Variants in AP2A1 observed in about 807,000 individuals in gnomAD.
AP2A1 encodes AP-2 complex subunit alpha-1.
A neutral mutation model predicts 107.3 loss-of-function variants in AP2A1; 21 were observed. The ratio of observed to expected loss-of-function variants is 0.20; its 90% CI spans 0.14 to 0.28. AP2A1 has a LOEUF of 0.28. Ranked by LOEUF, AP2A1 falls within the 10% of genes least tolerant of loss-of-function variation. The probability of loss-of-function intolerance (pLI) is 1.00; values close to 1 mark genes in which losing one functional copy is unlikely to be tolerated. For missense variants in AP2A1, 873 were observed against 1,307.7 expected (o/e 0.67, Z 5.13); for synonymous variants, 602 against 564.8 (o/e 1.07, Z -0.93).
At chr19:49,805,355 A>G in intron 18 of AP2A1, 98 bp from the exon 19 acceptor site, 1 of 1,355,250 alleles carries the variant, frequency 7.4e-7, no homozygotes, top group Non-Finnish European at 9.8e-7. Flanking sequence ...TCCCTCAAAG[A>G]CCTGCAGGCG....
chr19:49,799,537 CAGAA>C (rs1035156894), intron 9 of AP2A1, 42 bp downstream of exon 9: 33 of 1,604,372 alleles, frequency 2.1e-5, no homozygotes, highest in Non-Finnish European at 2.5e-5. Context: ...CCACCCCCCT[CAGAA>C]AGACCAGAGG....
intron 1 of AP2A1, among the ~76,000 whole-genome samples, chr19:49,770,025 C>T (rs912843364): frequency 5.9e-5 from 9 of 152,256 alleles, no homozygotes; most frequent in South Asian, 2.1e-4. Flanking sequence ...CCCGCCACCA[C>T]GCTTGGCTAA....
rs2073243612 is a variant in AP2A1 at position 49,798,944 on chromosome 19, C to T, written c.957C>T (p.His319=). The change falls in exon 8 of 23, where the codon CAC becomes CAT. Residue 319 remains histidine, a synonymous_variant. Transcript: ENST00000354293. Reference sequence around the variant, plus strand: ...TCGAGACCATCAGCCTCATCATCCACTATGACAGGTGCCCGCCTGGGCCTA... The same window carrying T: ...TCGAGACCATCAGCCTCATCATCCATTATGACAGGTGCCCGCCTGGGCCTA... ...ILFETISLII[H]YDSEPNLLVR... 1.3e-6 allele frequency: 2 copies of T among 1,552,494 alleles called. No homozygotes were observed. The highest frequency in any genetic ancestry group is 1.4e-5 in the African/African-American group (1 of 73,216).
chr19:49,793,528 C>T (rs2073172464), intron 6 of AP2A1, among the ~76,000 whole-genome samples: 2 of 152,310 alleles, frequency 1.3e-5, no homozygotes, highest in Admixed American at 1.3e-4. Context: ...CCTCTCCCAC[C>T]TTTGCTCCTG....
At chr19:49,789,608 T>C (rs2073117337) in intron 4 of AP2A1, among the ~76,000 whole-genome samples, 1 of 145,880 alleles carries the variant, frequency 6.9e-6, no homozygotes, top group Non-Finnish European at 1.5e-5. Context: ...TTTTTTTTTT[T>C]TGTAGAGACA....
At chr19:49,791,860 A>C in intron 4 of AP2A1, 75 bp from the exon 5 acceptor site, 5 of 1,501,206 alleles carry the variant, frequency 3.3e-6, no homozygotes, top group Non-Finnish European at 4.5e-6. Context: ...CCTGGGAGGA[A>C]CAGGAGAGGA....
At chr19:49,804,656 C>G (rs1011083649) in intron 18 of AP2A1, 1 of 152,216 alleles carries the variant, frequency 6.6e-6, no homozygotes, top group South Asian at 2.1e-4. Flanking sequence ...GCTACTGACA[C>G]GGATGCAGAT....
At chr19:49,770,847 C>G (rs144068958) in intron 1 of AP2A1, among the ~76,000 whole-genome samples, 3 of 152,050 alleles carry the variant, frequency 2.0e-5, no homozygotes, top group Non-Finnish European at 4.4e-5. Context: ...CTCATGAATG[C>G]ATAGGTTCTT....
At chr19:49,795,792 G>C in intron 7 of AP2A1, 54 bp downstream of exon 7, 1 of 1,328,702 alleles carries the variant, frequency 7.5e-7, no homozygotes. Flanking sequence ...TGGCATCTGG[G>C]GGCCTCCTGC....
intron 4 of AP2A1, among the ~76,000 whole-genome samples, chr19:49,784,279 T>A (rs2084711697): frequency 6.6e-6 from 1 of 151,904 alleles, no homozygotes. Flanking sequence ...ATACAAAAAT[T>A]AGCCAGGTGT....
rs371353624 is a variant in AP2A1, at chr19:49,799,347, G to A, written c.986G>A (p.Arg329Gln). 3 of 1,610,974 alleles carry A rather than the reference G, an allele frequency of 1.9e-6. No individual in the cohort carries two copies. Among genetic ancestry groups the A allele is most frequent in the African/African-American group, 1.3e-5 (1 of 74,866 alleles). ...HYDSEPNLLV[R>Q]ACNQLGQFLQ... ...GGCAGTGAGCCCAACCTCCTGGTTC[G>A]GGCCTGCAACCAGCTGGGCCAGTTC... Residue 329 changes from arginine (R) to glutamine (Q), a missense_variant, in exon 9 of 23, where the codon CGG (arginine) becomes CAG (glutamine). Physicochemically the swap from Arg to Gln is conservative, Grantham distance 43. Around this residue, in one of 4 missense-constraint regions of AP2A1, gnomAD observed 213 missense variants for 443.5 expected, o/e 0.48. Transcript: ENST00000354293.
In AP2A1 at chr19:49,799,623, C is replaced by T. The variant is rs2073252528; in HGVS notation, c.1135-6C>T. On this transcript the variant is annotated splice_polypyrimidine_tract_variant and splice_region_variant and intron_variant, in intron 9 of 22. Coordinates refer to ENST00000354293, the MANE Select transcript of AP2A1 (RefSeq NM_130787.3). ...AACACACCTGGGCTCTGCTCTCCGC[C>T]CTCAGACGGAGCGGGACGTCAGCGT... 1 of 1,608,730 alleles carries T rather than the reference C, an allele frequency of 6.2e-7. No individual in the cohort carries two copies. The highest frequency in any genetic ancestry group is 8.5e-7 in the Non-Finnish European group (1 of 1,179,570).
intron 15 of AP2A1, 88 bp downstream of exon 15, chr19:49,802,229 T>TCCCCCCCCCCCCCCCCCC: frequency 5.9e-6 from 5 of 848,850 alleles, no homozygotes; most frequent in South Asian, 2.0e-5. Flanking sequence ...CCTGAGCCCC[T>TCCCCCCCCCCCCCCCCCC]CCCCCGCCCC....
intron 10 of AP2A1, 55 bp downstream of exon 10, chr19:49,799,821 G>A: frequency 6.3e-7 from 1 of 1,585,354 alleles, no homozygotes; most frequent in Non-Finnish European, 8.6e-7. Flanking sequence ...GAGGTGGCTG[G>A]GGGCCTGGAT....
chr19:49,774,994 C>T (rs531976769), intron 1 of AP2A1, among the ~76,000 whole-genome samples: 2 of 151,802 alleles, frequency 1.3e-5, no homozygotes, highest in East Asian at 1.9e-4. Context: ...GGGGCCGAGG[C>T]GGGCAGTTTG....
rs191609541 is a variant in AP2A1 at position 49,794,403 on chromosome 19, T to G, written c.706-1227T>G. Among the ~76,000 whole-genome samples, 30 of 151,652 alleles carry G rather than the reference T, an allele frequency of 2.0e-4. No individual in the cohort carries two copies. In the East Asian group the frequency reaches 5.6e-3, roughly 29 times the overall value. On this transcript the variant is annotated intron_variant, in intron 6 of 22. Transcript: ENST00000354293. Reference sequence around the variant, plus strand: ...TTTTTTGTAGAGATCGGTCTTGCTTTGTCGCCCACACTGGTCTCAAACTCC... The same window carrying G: ...TTTTTTGTAGAGATCGGTCTTGCTTGGTCGCCCACACTGGTCTCAAACTCC...
rs931394386 is a variant in AP2A1 at position 49,792,810 on chromosome 19, C to T, written c.604-181C>T. Among the ~76,000 whole-genome samples the T allele has an allele frequency of 5.3e-5, 8 of 152,262 alleles. 1 individual carries two copies. In the South Asian group the frequency reaches 1.0e-3, roughly 20 times the overall value. On this transcript the variant is annotated intron_variant, in intron 5 of 22. Transcript: ENST00000354293. ...ACACCCAGGTCAGTGCTGGCCATGG[C>T]GCCCGAGGCCCCGTGGCCTCCTCAC...
intron 4 of AP2A1, 85 bp from the exon 5 acceptor site, chr19:49,791,850 C>A: frequency 6.7e-7 from 1 of 1,500,838 alleles, no homozygotes. Flanking sequence ...GCACACCCTT[C>A]CTGGGAGGAA....
intron 4 of AP2A1, among the ~76,000 whole-genome samples, chr19:49,790,109 A>G (rs1043363795): frequency 6.6e-6 from 1 of 152,156 alleles, no homozygotes; most frequent in African/African-American, 2.4e-5. Context: ...TCCAACATCC[A>G]TCTCACGGGG....
Sources: allele counts gnomAD v4.1 joint callset (sites outside exome capture counted in the v4.1 genomes callset), GRCh38; gene constraint gnomAD v4.1.1; regional missense constraint gnomAD v4.1.1; transcripts MANE v1.5; gene names NCBI Gene and HGNC (gene_info 2026-07-23, HGNC 2026-07-21).